The following PCDHGB3 variants were observed in gnomAD, a reference collection of about 807,000 sequenced individuals.
The protein encoded by PCDHGB3 is protocadherin gamma-B3.
PCDHGB3 carries 40 observed loss-of-function variants against 59.2 expected under a neutral mutation model. The observed-to-expected ratio is 0.68, with a 90% CI of 0.52 to 0.88. PCDHGB3 has a LOEUF of 0.88. PCDHGB3 is among the 40% of genes least tolerant of loss of function. PCDHGB3 has a pLI of 0.00. For synonymous variants in PCDHGB3, 581 were observed against 503.6 expected (o/e 1.15, Z -2.06); for missense variants, 1,309 against 1,187.9 (o/e 1.10, Z -1.50).
In PCDHGB3 at chr5:141,371,799, G is replaced by T. The variant is rs1768052133; in HGVS notation, c.1405G>T (p.Ala469Ser). The change falls in exon 1 of 4, where the codon GCC (alanine) becomes TCC (serine). Residue 469 changes from alanine (A) to serine (S), a missense_variant. Physicochemically the swap from Ala to Ser is moderately conservative, Grantham distance 99. Transcript: ENST00000576222. ...TGTAGCTGAGAACAATCCGCCTGGA[G>T]CCTCCATTGCGCATGTCAGAGCCTC... ...VHVAENNPPG[A>S]SIAHVRASDP... is the part of the protein sequence containing the mutation. 3.1e-6 allele frequency: 5 copies of T among 1,613,926 alleles called. No homozygotes were observed. Among genetic ancestry groups the T allele is most frequent in the Middle Eastern group, 1.6e-4 (1 of 6,062 alleles).
At chr5:141,415,183 G>A (rs201831693) in intron 1 of PCDHGB3, 913 of 1,613,968 alleles carry the variant, frequency 5.7e-4, no homozygotes, top group Non-Finnish European at 5.1e-4. Flanking sequence ...GGCCGTGGCC[G>A]ACAGCATCCC....
At chr5:141,419,407 G>A (rs1426208057) in intron 1 of PCDHGB3, 20 of 1,613,396 alleles carry the variant, frequency 1.2e-5, no homozygotes, top group Non-Finnish European at 1.4e-5. Flanking sequence ...TGGTGTTCGC[G>A]CAGCGCGCCT....
In PCDHGB3 at chr5:141,489,432, G is replaced by A. The variant is rs2099687138; in HGVS notation, c.2416-5375G>A. ...TGACAGATCTGTTGAGCCGGCGGCTGCAATTGGGCTCTGAGGAGAATGGGC... is the reference window on the plus strand; with the variant it reads ...TGACAGATCTGTTGAGCCGGCGGCTACAATTGGGCTCTGAGGAGAATGGGC... On this transcript the variant is annotated intron_variant, in intron 1 of 3. Transcript: ENST00000576222. The surrounding 1 kb of genome is among the most constrained non-coding windows in gnomAD (Gnocchi z 4.5). 3.1e-6 allele frequency: 5 copies of A among 1,614,166 alleles called. No individual in the cohort carries two copies. Among genetic ancestry groups the A allele is most frequent in the Non-Finnish European group, 4.2e-6 (5 of 1,180,036 alleles).
chr5:141,399,603 A>G, intron 1 of PCDHGB3: 1 of 1,613,950 alleles, frequency 6.2e-7, no homozygotes, highest in Non-Finnish European at 8.5e-7. Flanking sequence ...CCAGCGACCT[A>G]GAGCCTCTGG....
intron 1 of PCDHGB3, among the ~76,000 whole-genome samples, chr5:141,465,137 GGGGA>G (rs2099097662): frequency 2.0e-5 from 3 of 151,520 alleles, no homozygotes; most frequent in Non-Finnish European, 4.4e-5. Context: ...AAAAAGTTTA[GGGGA>G]TATATGAAGG....
chr5:141,458,848 T>C (rs1044462303), intron 1 of PCDHGB3, among the ~76,000 whole-genome samples: 1 of 152,182 alleles, frequency 6.6e-6, no homozygotes, highest in Non-Finnish European at 1.5e-5. Flanking sequence ...TCCTCCCACC[T>C]CAGCCTTCCA....
intron 1 of PCDHGB3, chr5:141,378,634 T>C (rs1775059163): frequency 6.6e-6 from 1 of 152,196 alleles, no homozygotes; most frequent in African/African-American, 2.4e-5. Context: ...GACTGGTGAA[T>C]GGGAGAACAA....
chr5:141,372,232 A>G lies in PCDHGB3; in HGVS notation c.1838A>G (p.Glu613Gly). Residue 613 changes from glutamate to glycine, a missense_variant, in exon 1 of 4, where the codon GAG (glutamate) becomes GGG (glycine). Physicochemically the swap from Glu to Gly is moderately conservative, Grantham distance 98 (BLOSUM62 -2). Transcript: ENST00000576222. The part of the protein sequence containing the change: ...WLSYHIVQAS[E>G]PGLFSLGLRT... ...TCCTACCACATTGTGCAGGCCAGCG[A>G]GCCCGGGCTGTTCAGCCTGGGCCTG... 6.2e-7 allele frequency: 1 copy of G among 1,613,396 alleles called. No individual in the cohort carries two copies. The highest frequency in any genetic ancestry group is 8.5e-7 in the Non-Finnish European group (1 of 1,179,844).
rs953182246 is a variant in PCDHGB3, at chr5:141,511,757, C to T, written c.*584C>T. ...CTCAAGTTTTGGAGGACATGATCAC[C>T]ATCCCCATGGTACTGATGCTTGCTG... is the stretch of plus-strand genomic sequence containing the variant. On this transcript the variant is annotated 3_prime_UTR_variant, in exon 4 of 4. Coordinates refer to ENST00000576222, the MANE Select transcript of PCDHGB3 (RefSeq NM_018924.5). The T allele has an allele frequency of 6.9e-5, 12 of 174,122 alleles. No individual in the cohort carries two copies. The highest frequency in any genetic ancestry group is 2.8e-4 in the African/African-American group (12 of 42,412). The allele number at this position is 174,122 out of a possible 1,614,324, so 10.8% of individuals were successfully genotyped here.
rs143638501 is a variant in PCDHGB3, at chr5:141,486,817, T to C, written c.2416-7990T>C. On this transcript the variant is annotated intron_variant, in intron 1 of 3. Coordinates refer to ENST00000576222, the MANE Select transcript of PCDHGB3 (RefSeq NM_018924.5). This position sits in a 1 kb window ranked among gnomAD's most constrained non-coding sequence, Gnocchi z 5.0. ...GGGGCAACCCACCCCTTAGCAGCACTGTAACAGTTCGTCTATTTGTGCTGG... is the reference window on the plus strand; with the variant it reads ...GGGGCAACCCACCCCTTAGCAGCACCGTAACAGTTCGTCTATTTGTGCTGG... 153 of 1,614,220 alleles carry C rather than the reference T, an allele frequency of 9.5e-5. 1 individual carries two copies. In the African/African-American group the frequency reaches 1.4e-3, roughly 15 times the overall value.
intron 1 of PCDHGB3, among the ~76,000 whole-genome samples, chr5:141,434,451 A>C (rs145324240): frequency 6.6e-6 from 1 of 152,210 alleles, no homozygotes; most frequent in Non-Finnish European, 1.5e-5. Context: ...GCTGGAAGGT[A>C]GTGGGTTTAC....
intron 2 of PCDHGB3, among the ~76,000 whole-genome samples, chr5:141,500,614 C>T (rs1300242596): frequency 1.3e-5 from 2 of 152,204 alleles, no homozygotes; most frequent in African/African-American, 4.8e-5. Context: ...TATTCCCAGT[C>T]ATACGGTACA....
chr5:141,433,277 T>G, intron 1 of PCDHGB3: 1 of 1,231,982 alleles, frequency 8.1e-7, no homozygotes. Flanking sequence ...CACTGCAGCC[T>G]CAAACTCCTA....
At position 141,491,546 on chromosome 5, in the gene PCDHGB3, C is replaced by T; in HGVS notation, c.2416-3261C>T. ...GAGGTGACGCTGCGGCCCACAGACT[C>T]GCAGAGCCACTGCTACAGGACGTGC... On this transcript the variant is annotated intron_variant, in intron 1 of 3. Transcript: ENST00000576222. This position sits in a 1 kb window ranked among gnomAD's most constrained non-coding sequence, Gnocchi z 6.9. 1.9e-6 allele frequency: 3 copies of T among 1,614,038 alleles called. No homozygotes were observed. Among genetic ancestry groups the T allele is most frequent in the Non-Finnish European group, 2.5e-6 (3 of 1,180,024 alleles).
intron 1 of PCDHGB3, chr5:141,393,501 G>C (rs754946327): frequency 1.9e-6 from 3 of 1,614,044 alleles, no homozygotes; most frequent in Non-Finnish European, 2.5e-6. Flanking sequence ...GCGCATCCAC[G>C]TGACAGTGTT....
At chr5:141,385,211 C>T (rs1781001155) in intron 1 of PCDHGB3, 1 of 1,614,082 alleles carries the variant, frequency 6.2e-7, no homozygotes, top group Admixed American at 1.7e-5. Flanking sequence ...CTGATCTTCC[C>T]CCAGCCCAAC....
rs762662380 is a variant in PCDHGB3, at chr5:141,419,561, G to A, written c.2415+46752G>A. 9 of 1,611,728 alleles carry A rather than the reference G, an allele frequency of 5.6e-6. No individual in the cohort carries two copies. The Admixed American group carries it at 1.2e-4, about 21-fold the overall frequency. The stretch of plus-strand genomic sequence containing the variant: ...ACCGCGGGTGCTGTACCCTGCGCTG[G>A]GTCCCGACGGCTCCGCGCTCTTCGA... On this transcript the variant is annotated intron_variant, in intron 1 of 3. Coordinates refer to ENST00000576222, the MANE Select transcript of PCDHGB3 (RefSeq NM_018924.5).
Position 141,489,560 on chromosome 5 carries a change from A to G in PCDHGB3, c.2416-5247A>G. On this transcript the variant is annotated intron_variant, in intron 1 of 3. Coordinates refer to ENST00000576222, the MANE Select transcript of PCDHGB3 (RefSeq NM_018924.5). The surrounding 1 kb of genome is among the most constrained non-coding windows in gnomAD (Gnocchi z 4.5). Reference sequence around the variant, plus strand: ...AGCACCAGCTGCCTGCTGCCAGTGCAGGTGGTGACTGAACACCCCCTGGAG... The same window carrying G: ...AGCACCAGCTGCCTGCTGCCAGTGCGGGTGGTGACTGAACACCCCCTGGAG... 1.2e-6 allele frequency: 2 copies of G among 1,614,142 alleles called. No homozygotes were observed. The highest frequency in any genetic ancestry group is 1.7e-6 in the Non-Finnish European group (2 of 1,180,030).
In PCDHGB3 at chr5:141,462,383, G is replaced by A. The variant is rs78537075; in HGVS notation, c.2416-32424G>A. Among the ~76,000 whole-genome samples the A allele has an allele frequency of 5.6e-4, 85 of 151,920 alleles. 1 individual carries two copies. In the East Asian group the frequency reaches 0.016, roughly 29 times the overall value. ...GTATAGTTTCTATTCTTTTAAATTC[G>A]TTAACATTTCTTTTATGGCACAGAA... On this transcript the variant is annotated intron_variant, in intron 1 of 3. Transcript: ENST00000576222.
Sources: allele counts gnomAD v4.1 joint callset (sites outside exome capture counted in the v4.1 genomes callset), GRCh38; gene constraint gnomAD v4.1.1; non-coding constraint Gnocchi (gnomAD v3.1); transcripts MANE v1.5; gene names NCBI Gene and HGNC (gene_info 2026-07-23, HGNC 2026-07-21).